Variants in CDO1 observed in about 807,000 individuals in gnomAD.
The protein encoded by CDO1 is cysteine dioxygenase, type I.
In CDO1, 19 loss-of-function variants were observed where a neutral mutation model predicts 24.5. The ratio of observed to expected loss-of-function variants is 0.77; its 90% CI spans 0.54 to 1.14. The LOEUF is 1.14. Among genes scored for constraint, CDO1 ranks in the 50% most tolerant of loss-of-function variants. The pLI, the probability that CDO1 is intolerant of heterozygous loss-of-function variation, is 0.00. For missense variants in CDO1, 244 were observed against 244.8 expected (o/e 1.00, Z 0.02); for synonymous variants, 91 against 87.0 (o/e 1.05, Z -0.26).
chr5:115,805,758 T>G (rs1351150582), intron 4 of CDO1, among the ~76,000 whole-genome samples: 2 of 152,258 alleles, frequency 1.3e-5, no homozygotes, highest in South Asian at 4.1e-4. Context: ...CTGGATATTC[T>G]GATAATTAAA....
intron 3 of CDO1, among the ~76,000 whole-genome samples, chr5:115,809,350 G>A (rs1329742863): frequency 2.0e-5 from 3 of 152,002 alleles, no homozygotes; most frequent in South Asian, 2.1e-4. Context: ...GTCCAGGCCC[G>A]GTCGACCTTT....
intron 2 of CDO1, among the ~76,000 whole-genome samples, 199 bp from the exon 3 acceptor site, chr5:115,811,514 T>C (rs1184469927): frequency 1.3e-5 from 2 of 152,202 alleles, no homozygotes; most frequent in African/African-American, 2.4e-5. Context: ...ATATCATCTA[T>C]ATCAATTCAT....
At chr5:115,811,616 AAC>A (rs1760192492) in intron 2 of CDO1, among the ~76,000 whole-genome samples, 1 of 152,216 alleles carries the variant, frequency 6.6e-6, no homozygotes, top group African/African-American at 2.4e-5. Context: ...CAAAACCAGC[AAC>A]ACTTTATCTT....
rs776077445 is a variant in CDO1, at chr5:115,816,322, C to A, written c.76G>T (p.Asp26Tyr). 1.9e-6 allele frequency: 3 copies of A among 1,614,026 alleles called. No homozygotes were observed. The highest frequency in any genetic ancestry group is 2.5e-6 in the Non-Finnish European group (3 of 1,180,036). Reference sequence around the variant, plus strand: ...TGCACCTCCTCTACATTGACCTCATCGCCGGCAAAGAGCTGGTGCAGGATG... The same window carrying A: ...TGCACCTCCTCTACATTGACCTCATAGCCGGCAAAGAGCTGGTGCAGGATG... Reference protein sequence around the residue: ...IRILHQLFAGDEVNVEEVQAI... With the variant: ...IRILHQLFAGYEVNVEEVQAI... Residue 26 changes from aspartate (D) to tyrosine (Y), a missense_variant, in exon 1 of 5, where the codon GAT becomes TAT. By Grantham distance (160) the Asp-to-Tyr change is radical (BLOSUM62 -3). Transcript: ENST00000250535.
In CDO1 at chr5:115,813,309, C is replaced by CGTTGCTGA. The variant is rs767166816; in HGVS notation, c.171-52_171-51insTCAGCAAC. The CGTTGCTGA allele has an allele frequency of 2.5e-3, 2,505 of 1,014,054 alleles. 10 individuals carry two copies. The highest frequency in any genetic ancestry group is 3.4e-3 in the Non-Finnish European group (2,182 of 640,610). 62.8% of individuals were successfully genotyped at this position (1,014,054 alleles called of 1,614,324 possible). ...GTTTTAAGTTCGTTGCTGAAACAAG[C>CGTTGCTGA]ACTGGAAAAAATAAGTGTGTCACCA... is the stretch of plus-strand genomic sequence containing the variant. On this transcript the variant is annotated intron_variant, in intron 1 of 4. Coordinates refer to ENST00000250535, the MANE Select transcript of CDO1 (RefSeq NM_001801.3).
intron 4 of CDO1, 66 bp from the exon 5 acceptor site, chr5:115,805,528 A>C (rs1759909391): frequency 6.9e-7 from 1 of 1,451,386 alleles, no homozygotes; most frequent in Non-Finnish European, 9.6e-7. Flanking sequence ...AACTCCTTCT[A>C]AATAGTTCTG....
At chr5:115,810,104 G>C (rs1452278655) in intron 3 of CDO1, among the ~76,000 whole-genome samples, 1 of 152,146 alleles carries the variant, frequency 6.6e-6, no homozygotes. Context: ...CTTTACTTCT[G>C]AAATTATTCT....
At chr5:115,811,483 T>C (rs1760187789) in intron 2 of CDO1, among the ~76,000 whole-genome samples, 168 bp from the exon 3 acceptor site, 1 of 152,194 alleles carries the variant, frequency 6.6e-6, no homozygotes, top group African/African-American at 2.4e-5. Context: ...AGTTCAACAA[T>C]GTTCAGGGTA....
At chr5:115,815,145 A>G (rs1281135418) in intron 1 of CDO1, among the ~76,000 whole-genome samples, 1 of 152,190 alleles carries the variant, frequency 6.6e-6, no homozygotes, top group African/African-American at 2.4e-5. Context: ...TGACTAAAAG[A>G]ACCTGCTCCC....
intron 3 of CDO1, among the ~76,000 whole-genome samples, chr5:115,808,738 C>CAAAACA (rs148482750): frequency 6.7e-4 from 102 of 151,762 alleles, no homozygotes; most frequent in African/African-American, 2.4e-3. Flanking sequence ...CAAAACAAAA[C>CAAAACA]AAACAAAACA....
Position 115,805,112 on chromosome 5 carries a change from A to C in CDO1, c.*321T>G, listed in dbSNP as rs1759880147. On this transcript the variant is annotated 3_prime_UTR_variant, in exon 5 of 5. Transcript: ENST00000250535. ...TTGCTAATTACAGTTCAGAGACCAA[A>C]GTATTTCCAAAAGCTATGAAAACCC... is the stretch of plus-strand genomic sequence containing the variant. 3.6e-6 allele frequency: 1 copy of C among 276,744 alleles called. No homozygotes were observed. Among genetic ancestry groups the C allele is most frequent in the Non-Finnish European group, 6.7e-6 (1 of 149,716 alleles). 17.1% of individuals were successfully genotyped at this position (276,744 alleles called of 1,614,324 possible).
chr5:115,814,269 G>C (rs1157353441), intron 1 of CDO1: 1 of 152,154 alleles, frequency 6.6e-6, no homozygotes, highest in Non-Finnish European at 1.5e-5. Flanking sequence ...GACCTAACAA[G>C]AAGCTGTGTA....
At chr5:115,814,865 T>C (rs1760359923) in intron 1 of CDO1, among the ~76,000 whole-genome samples, 1 of 152,168 alleles carries the variant, frequency 6.6e-6, no homozygotes, top group Admixed American at 6.5e-5. Context: ...GTGTCAAGTG[T>C]CTGGAAGAGT....
At chr5:115,815,922 G>A (rs766348545) in intron 1 of CDO1, among the ~76,000 whole-genome samples, 3 of 152,232 alleles carry the variant, frequency 2.0e-5, no homozygotes, top group African/African-American at 4.8e-5. Flanking sequence ...GAAGCAGAGG[G>A]GTTTGCGGGA....
At chr5:115,807,157 C>A (rs901382696) in intron 3 of CDO1, among the ~76,000 whole-genome samples, 3 of 152,078 alleles carry the variant, frequency 2.0e-5, no homozygotes, top group Non-Finnish European at 2.9e-5. Flanking sequence ...GGTAAAAATC[C>A]CTGCTTTAGT....
At chr5:115,805,886 A>C (rs987581699) in intron 4 of CDO1, among the ~76,000 whole-genome samples, 1 of 152,220 alleles carries the variant, frequency 6.6e-6, no homozygotes, top group Admixed American at 6.5e-5. Context: ...GGAACATGTT[A>C]GTATAGTCTA....
chr5:115,811,083 A>G (rs1321679914), intron 3 of CDO1, 78 bp downstream of exon 3: 5 of 1,317,456 alleles, frequency 3.8e-6, no homozygotes, highest in Non-Finnish European at 5.3e-6. Context: ...TACTGCATAA[A>G]AAGTGTAAGT....
At chr5:115,813,293 T>C (rs545763330) in intron 1 of CDO1, 35 bp from the exon 2 acceptor site, 1 of 1,189,708 alleles carries the variant, frequency 8.4e-7, no homozygotes, top group South Asian at 1.2e-5. Flanking sequence ...AGTTTTAAGT[T>C]CGTTGCTGAA....
chr5:115,810,357 C>CA lies in CDO1; in HGVS notation c.403+803dup, dbSNP rs34122113. ...TTATGGAGAAAAAAACTTGCTTTGC[C>CA]AAAAAAAAATCCCCCAAAGCTCTAT... On this transcript the variant is annotated intron_variant, in intron 3 of 4. Coordinates refer to ENST00000250535, the MANE Select transcript of CDO1 (RefSeq NM_001801.3). Among the ~76,000 whole-genome samples the CA allele has an allele frequency of 5.0e-3, 755 of 150,440 alleles. 7 individuals carry two copies. The highest frequency in any genetic ancestry group is 0.017 in the African/African-American group (693 of 41,064).
Sources: allele counts gnomAD v4.1 joint callset (sites outside exome capture counted in the v4.1 genomes callset), GRCh38; gene constraint gnomAD v4.1.1; transcripts MANE v1.5; gene names NCBI Gene and HGNC (gene_info 2026-07-23, HGNC 2026-07-21).